Variants in TCF20 observed in about 807,000 individuals in gnomAD.
TCF20 encodes SPRE-binding protein.
In TCF20, 3 loss-of-function variants were observed where a neutral mutation model predicts 148.6. The observed-to-expected ratio is 0.02, with a 90% CI of 0.01 to 0.05. TCF20 has a LOEUF of 0.05. TCF20 is among the 10% of genes least tolerant of loss of function. The pLI is 1.00. For missense variants in TCF20, 2,350 were observed against 2,429.3 expected (o/e 0.97, Z 0.69); for synonymous variants, 1,049 against 909.5 (o/e 1.15, Z -2.76).
chr22:42,271,685 G>A (rs1357337053), upstream of TCF20, among the ~76,000 whole-genome samples: 1 of 152,172 alleles, frequency 6.6e-6, no homozygotes, highest in Non-Finnish European at 1.5e-5. Flanking sequence ...TGGATTAGAT[G>A]TCCCTAATGT....
intron 1 of TCF20, among the ~76,000 whole-genome samples, chr22:42,332,839 C>CT (rs1928000512): frequency 6.6e-6 from 1 of 152,212 alleles, no homozygotes; most frequent in Admixed American, 6.5e-5. Context: ...CTGTGCGGCT[C>CT]TGTTTCTATA....
intron 5 of TCF20, among the ~76,000 whole-genome samples, chr22:42,164,714 C>A (rs184069792): frequency 6.6e-6 from 1 of 152,054 alleles, no homozygotes; most frequent in East Asian, 1.9e-4. Context: ...TGGCTGCAAG[C>A]GAGGAGGGGG....
chr22:42,269,162 G>A (rs973782844), intron 1 of TCF20, among the ~76,000 whole-genome samples: 7 of 152,130 alleles, frequency 4.6e-5, no homozygotes, highest in Non-Finnish European at 8.8e-5. Flanking sequence ...CACGGAAGAT[G>A]CTGTATAAAA....
intron 1 of TCF20, among the ~76,000 whole-genome samples, chr22:42,316,679 G>A (rs946507267): frequency 6.6e-6 from 1 of 152,078 alleles, no homozygotes; most frequent in Non-Finnish European, 1.5e-5. Context: ...CAAGTGATCC[G>A]CCTTCCTCGG....
chr22:42,221,354 A>G (rs956713779), intron 1 of TCF20, among the ~76,000 whole-genome samples: 1 of 152,226 alleles, frequency 6.6e-6, no homozygotes, highest in Admixed American at 6.5e-5. Flanking sequence ...ACCGGAATAG[A>G]CAACTTCTCT....
intron 2 of TCF20, among the ~76,000 whole-genome samples, chr22:42,209,100 G>A (rs754378921): frequency 6.6e-6 from 1 of 152,190 alleles, no homozygotes; most frequent in Non-Finnish European, 1.5e-5. Flanking sequence ...TTCCAATCTA[G>A]AATTCCACAC....
intron 1 of TCF20, among the ~76,000 whole-genome samples, chr22:42,324,365 A>C (rs1435806502): frequency 6.6e-6 from 1 of 152,092 alleles, no homozygotes; most frequent in Non-Finnish European, 1.5e-5. Context: ...AAGACTTGAG[A>C]GAAATGGAAA....
intron 1 of TCF20, among the ~76,000 whole-genome samples, chr22:42,223,513 G>A (rs1922571483): frequency 6.6e-6 from 1 of 152,188 alleles, no homozygotes; most frequent in African/African-American, 2.4e-5. Context: ...TTACACAAAT[G>A]TTAATGCATT....
intron 2 of TCF20, among the ~76,000 whole-genome samples, chr22:42,200,308 C>T (rs547718276): frequency 1.3e-5 from 2 of 152,256 alleles, no homozygotes; most frequent in South Asian, 4.2e-4. Flanking sequence ...TTGACCTCTG[C>T]CTCCTCACTT....
chr22:42,162,146 A>C (rs539559681), intron 5 of TCF20, among the ~76,000 whole-genome samples: 26 of 151,602 alleles, frequency 1.7e-4, no homozygotes, highest in Non-Finnish European at 2.8e-4. Context: ...ACACCCGGCT[A>C]ATTTTTGTAT....
At chr22:42,252,342 C>T (rs1015776860) in intron 1 of TCF20, among the ~76,000 whole-genome samples, 2 of 151,708 alleles carry the variant, frequency 1.3e-5, no homozygotes, top group African/African-American at 4.8e-5. Flanking sequence ...TGGCCTAAAC[C>T]CGTCTGAAAC....
rs992027616 is a variant in TCF20, at chr22:42,317,781, A to G, written c.-37+25698T>C. Among the ~76,000 whole-genome samples the G allele has an allele frequency of 9.9e-5, 15 of 152,204 alleles. No individual in the cohort carries two copies. Among genetic ancestry groups the G allele is most frequent in the Admixed American group, 7.8e-4 (12 of 15,288 alleles). ...GTGGGCACAGGGCGATCCCTCCCTC[A>G]CAACGCTACAGAGAAAAATGGCAGG... On this transcript the variant is annotated intron_variant, in intron 1 of 1. Coordinates refer to the TCF20 transcript ENST00000515426. This position sits in a 1 kb window ranked among gnomAD's most constrained non-coding sequence, Gnocchi z 4.2.
In TCF20 at chr22:42,215,275, G is replaced by A. The variant is rs931633821; in HGVS notation, c.31C>T (p.His11Tyr). 4 of 1,613,820 alleles carry A rather than the reference G, an allele frequency of 2.5e-6. No individual in the cohort carries two copies. The highest frequency in any genetic ancestry group is 1.3e-5 in the African/African-American group (1 of 74,886). ...TGTGGGTAGCTTTGCTGGTTTCCGTGGTAACTGCTTTGCTCCCGAAAGGAC... is the reference window on the plus strand; with the variant it reads ...TGTGGGTAGCTTTGCTGGTTTCCGTAGTAACTGCTTTGCTCCCGAAAGGAC... MQSFREQSSYHGNQQSYPQEV... is the reference protein window; with the variant it reads MQSFREQSSYYGNQQSYPQEV... The change falls in exon 2 of 6, where the codon CAC (histidine) becomes TAC (tyrosine). Residue 11 changes from histidine to tyrosine, a missense_variant. Physicochemically the swap from His to Tyr is moderately conservative, Grantham distance 83 (BLOSUM62 2). This residue lies in a region of TCF20 where 1,641 missense variants were observed against 1,662.6 expected (regional missense o/e 0.99). Coordinates refer to ENST00000677622, the MANE Select transcript of TCF20 (RefSeq NM_001378418.1).
intron 1 of TCF20, among the ~76,000 whole-genome samples, chr22:42,296,032 A>G (rs1202992658): frequency 6.6e-6 from 1 of 152,228 alleles, no homozygotes; most frequent in Non-Finnish European, 1.5e-5. Flanking sequence ...TTTTCTAGCT[A>G]TAGATGGATC....
At chr22:42,199,706 CA>C (rs59845847) in intron 2 of TCF20, among the ~76,000 whole-genome samples, 124 of 33,854 alleles carry the variant, frequency 3.7e-3, no homozygotes, top group African/African-American at 7.8e-3. Flanking sequence ...CCCATCTCTA[CA>C]AAAAAAAAAA....
chr22:42,266,752 C>G (rs1172841805), intron 1 of TCF20, among the ~76,000 whole-genome samples: 3 of 152,010 alleles, frequency 2.0e-5, no homozygotes, highest in Non-Finnish European at 2.9e-5. Flanking sequence ...GCACTCCAGC[C>G]TGGGCAACAG....
In TCF20 at chr22:42,213,441, C is replaced by T; in HGVS notation, c.1865G>A (p.Gly622Glu). The T allele has an allele frequency of 6.2e-7, 1 of 1,614,164 alleles. No individual in the cohort carries two copies. ...ATCCTCTTGGGAGCCTTTATCTTGTCCACCAGGCTTTTCTACCCGACCTGT... is the reference window on the plus strand; with the variant it reads ...ATCCTCTTGGGAGCCTTTATCTTGTTCACCAGGCTTTTCTACCCGACCTGT... The part of the protein sequence containing the change: ...AMTGRVEKPG[G>E]QDKGSQEDDP... The change falls in exon 2 of 6, where the codon GGA becomes GAA. Residue 622 changes from glycine (G) to glutamate (E), a missense_variant. Around this residue, in one of 7 missense-constraint regions of TCF20, gnomAD observed 1,641 missense variants for 1,662.6 expected, o/e 0.99. Transcript: ENST00000677622.
Position 42,213,228 on chromosome 22 carries a change from G to A in TCF20, c.2078C>T (p.Thr693Met), listed in dbSNP as rs750513879. The A allele has an allele frequency of 1.1e-5, 17 of 1,614,004 alleles. No homozygotes were observed. The Admixed American group carries it at 1.2e-4, about 11-fold the overall frequency. The stretch of plus-strand genomic sequence containing the variant: ...AGATTTGCTAGGCTCAGTTCTGCTC[G>A]TAAAACCAGGGCCCGCTGCAGAGTG... ...SGHSAAGPGFTSRTEPSKSPG... is the reference protein window; with the variant it reads ...SGHSAAGPGFMSRTEPSKSPG... The change falls in exon 2 of 6, where the codon ACG becomes ATG. Residue 693 changes from threonine (T) to methionine (M), a missense_variant. Thr to Met is a moderately conservative substitution (Grantham distance 81). Transcript: ENST00000677622.
intron 1 of TCF20, among the ~76,000 whole-genome samples, chr22:42,323,986 ATGG>A (rs1382535431): frequency 3.0e-5 from 1 of 33,292 alleles, no homozygotes; most frequent in Non-Finnish European, 5.1e-5. Flanking sequence ...GGTGGAGGTT[ATGG>A]TGGTGGAGGT....
Sources: allele counts gnomAD v4.1 joint callset (sites outside exome capture counted in the v4.1 genomes callset), GRCh38; gene constraint gnomAD v4.1.1; regional missense constraint gnomAD v4.1.1; non-coding constraint Gnocchi (gnomAD v3.1); transcripts MANE v1.5; gene names NCBI Gene and HGNC (gene_info 2026-07-23, HGNC 2026-07-21).